ALDH1A1: variants seen among roughly 807,000 people sequenced by gnomAD.
The protein encoded by ALDH1A1 is aldehyde dehydrogenase 1 family member A1.
In ALDH1A1, 19 loss-of-function variants were observed where a neutral mutation model predicts 62.1. The observed-to-expected ratio is 0.31, with a 90% CI of 0.21 to 0.45. The LOEUF is 0.45. ALDH1A1 is among the 20% of genes least tolerant of loss of function. ALDH1A1 has a pLI of 1.00. For missense variants in ALDH1A1, 521 were observed against 607.1 expected, an observed-to-expected ratio of 0.86 and a Z score of 1.49; for synonymous variants, 231 against 215.9, an observed-to-expected ratio of 1.07 and a Z score of -0.61.
chr9:72,900,992 A>G lies in ALDH1A1; in HGVS notation c.*216T>C, dbSNP rs1219596268. On this transcript the variant is annotated 3_prime_UTR_variant, in exon 13 of 13. Transcript: ENST00000297785. Reference sequence around the variant, plus strand: ...CATCCGAATTTGTCTTTTTTTATTTAGGATAGGACTTGGGGGTCACATTTC... The same window carrying G: ...CATCCGAATTTGTCTTTTTTTATTTGGGATAGGACTTGGGGGTCACATTTC... 2.6e-6 allele frequency: 1 copy of G among 385,416 alleles called. No homozygotes were observed. The highest frequency in any genetic ancestry group is 4.0e-5 in the Admixed American group (1 of 25,206). The allele number at this position is 385,416 out of a possible 1,614,324, so 23.9% of individuals were successfully genotyped here. A position where few individuals can be genotyped will look rare whatever the true frequency, so the allele number is the denominator to read the frequency against.
chr9:72,910,114 A>G (rs955078185), intron 10 of ALDH1A1, among the ~76,000 whole-genome samples: 2 of 152,176 alleles, frequency 1.3e-5, no homozygotes, highest in Admixed American at 6.5e-5. Context: ...AGTTTTTCTT[A>G]TCTTCCAAGT....
At chr9:72,945,657 G>A (rs955941169) in intron 1 of ALDH1A1, among the ~76,000 whole-genome samples, 8 of 151,852 alleles carry the variant, frequency 5.3e-5, no homozygotes, top group Admixed American at 2.6e-4. Flanking sequence ...GTATGAGATC[G>A]GAGATGAATA....
chr9:72,947,234 C>T (rs1830487369), intron 1 of ALDH1A1, among the ~76,000 whole-genome samples: 1 of 151,934 alleles, frequency 6.6e-6, no homozygotes, highest in Non-Finnish European at 1.5e-5. Flanking sequence ...GGTTTGTAGC[C>T]ATCATCATGT....
At chr9:72,908,604 AAAGAAAGAAAG>A (rs1829932689) in intron 11 of ALDH1A1, among the ~76,000 whole-genome samples, 5 of 144,520 alleles carry the variant, frequency 3.5e-5, no homozygotes, top group Non-Finnish European at 7.7e-5. Flanking sequence ...AGAAAGAAAG[AAAGAAAGAAAG>A]AAAGAAAGAA....
At chr9:72,939,986 T>TG (rs950575101) in intron 2 of ALDH1A1, among the ~76,000 whole-genome samples, 162 bp downstream of exon 2, 1 of 151,648 alleles carries the variant, frequency 6.6e-6, no homozygotes, top group African/African-American at 2.4e-5. Flanking sequence ...AGCATTTTTT[T>TG]TTTTTTTGGT....
intron 2 of ALDH1A1, among the ~76,000 whole-genome samples, chr9:72,932,696 T>C (rs348463): frequency 0.29 from 44,087 of 152,122 alleles, 6,534 homozygotes; most frequent in East Asian, 0.51. Context: ...ATTGCTTATA[T>C]TTAGACATTG....
intron 1 of ALDH1A1, among the ~76,000 whole-genome samples, chr9:72,950,712 A>G (rs968304057): frequency 3.3e-5 from 5 of 151,720 alleles, no homozygotes; most frequent in Non-Finnish European, 7.4e-5. Flanking sequence ...ACTTCTAGCT[A>G]TAATAATAAT....
At chr9:72,901,637 A>G (rs1455264570) in intron 12 of ALDH1A1, among the ~76,000 whole-genome samples, 2 of 152,074 alleles carry the variant, frequency 1.3e-5, no homozygotes, top group African/African-American at 4.8e-5. Context: ...CTCTAAAACT[A>G]CTCAAAAGAC....
chr9:72,951,681 T>C (rs905483245), intron 1 of ALDH1A1, among the ~76,000 whole-genome samples: 3 of 151,964 alleles, frequency 2.0e-5, no homozygotes, highest in Non-Finnish European at 4.4e-5. Flanking sequence ...CTTTTGGACA[T>C]ACCTTTGCCA....
intron 11 of ALDH1A1, among the ~76,000 whole-genome samples, chr9:72,908,544 AAAAGAAAGAAGAAAG>A (rs1829918425): frequency 1.9e-5 from 1 of 52,110 alleles, no homozygotes; most frequent in African/African-American, 7.2e-5. Flanking sequence ...AGAAAGAAAG[AAAAGAAAGAAGAAAG>A]AAAGAAAGAA....
chr9:72,920,139 TAG>T (rs1830121329), intron 7 of ALDH1A1, among the ~76,000 whole-genome samples: 1 of 152,136 alleles, frequency 6.6e-6, no homozygotes, highest in African/African-American at 2.4e-5. Context: ...AAGAGAGAAA[TAG>T]ATGTTTCGTG....
In ALDH1A1 at chr9:72,924,007, AAAT is replaced by A. The variant is rs748197815; in HGVS notation, c.747+9_747+11del. ...GACATTCTTAACTTTTGCCCTGAGT[AAAT>A]AATATTACCTCTGTTGATCCTGTGA... is the stretch of plus-strand genomic sequence containing the variant. On this transcript the variant is annotated intron_variant, in intron 7 of 12. Coordinates refer to ENST00000297785, the MANE Select transcript of ALDH1A1 (RefSeq NM_000689.5). 4 of 1,566,738 alleles carry A rather than the reference AAAT, an allele frequency of 2.6e-6. No homozygotes were observed. The highest frequency in any genetic ancestry group is 1.2e-5 in the South Asian group (1 of 85,440).
intron 6 of ALDH1A1, among the ~76,000 whole-genome samples, chr9:72,925,091 C>A (rs1390639124): frequency 6.6e-6 from 1 of 152,172 alleles, no homozygotes; most frequent in Non-Finnish European, 1.5e-5. Context: ...GCCCTTTCAA[C>A]CTTACATAGA....
chr9:72,924,413 T>TA (rs1416112041), intron 6 of ALDH1A1, among the ~76,000 whole-genome samples: 1 of 152,234 alleles, frequency 6.6e-6, no homozygotes, highest in Non-Finnish European at 1.5e-5. Flanking sequence ...TTCATAATGC[T>TA]AACTCAAAAA....
At chr9:72,918,907 T>C in intron 7 of ALDH1A1, 85 bp from the exon 8 acceptor site, 2 of 930,226 alleles carry the variant, frequency 2.2e-6, no homozygotes, top group Non-Finnish European at 3.3e-6. Flanking sequence ...ATGTGATGTT[T>C]GTGCCACAGT....
At chr9:72,905,179 C>T (rs1207694040) in intron 12 of ALDH1A1, among the ~76,000 whole-genome samples, 1 of 152,028 alleles carries the variant, frequency 6.6e-6, no homozygotes, top group Non-Finnish European at 1.5e-5. Context: ...CTTTTTTCTT[C>T]ATAAATGTTT....
intron 11 of ALDH1A1, among the ~76,000 whole-genome samples, chr9:72,906,670 T>G (rs1829882047): frequency 6.6e-6 from 1 of 152,134 alleles, no homozygotes; most frequent in Non-Finnish European, 1.5e-5. Flanking sequence ...CAATAGAAGA[T>G]CTAGATGGGG....
chr9:72,931,034 G>A lies in ALDH1A1; in HGVS notation c.172-15C>T, dbSNP rs771085982. 3.7e-5 allele frequency: 59 copies of A among 1,613,646 alleles called. No homozygotes were observed. The highest frequency in any genetic ancestry group is 6.8e-6 in the Non-Finnish European group (8 of 1,179,844). ...TCAACATCCTCCTGTAAGTCAACAG[G>A]AATTCAATTCAGTAAGCTAAACATA... On this transcript the variant is annotated splice_polypyrimidine_tract_variant and intron_variant, in intron 2 of 12. Transcript: ENST00000297785.
chr9:72,952,507 G>A (rs1830555678), intron 1 of ALDH1A1, among the ~76,000 whole-genome samples: 1 of 151,876 alleles, frequency 6.6e-6, no homozygotes, highest in Non-Finnish European at 1.5e-5. Flanking sequence ...AAACATATTG[G>A]AAAGTTATGT....
Sources: gnomAD v4.1 joint callset for allele counts (sites outside exome capture counted in the v4.1 genomes callset) on GRCh38, gnomAD v4.1.1 for gene constraint, MANE v1.5 for transcripts, NCBI Gene and HGNC (gene_info 2026-07-23, HGNC 2026-07-21) for gene names.